Variants in JMJD8 observed in about 807,000 individuals in gnomAD.
The protein encoded by JMJD8 is jumonji domain containing 8, also known as jmjC domain-containing protein 8.
JMJD8 carries 56 observed loss-of-function variants against 37.6 expected under a neutral mutation model. The ratio of observed to expected loss-of-function variants is 1.49; its 90% CI spans 1.20 to 1.86. The LOEUF is 1.86. Among genes scored for constraint, JMJD8 ranks in the 40% most tolerant of loss-of-function variants. The probability of loss-of-function intolerance (pLI) is 0.00; values close to 1 mark genes in which losing one functional copy is unlikely to be tolerated. For missense variants in JMJD8, 542 were observed against 362.7 expected, an observed-to-expected ratio of 1.49 and a Z score of -4.01; for synonymous variants, 261 against 163.7, an observed-to-expected ratio of 1.59 and a Z score of -4.54.
Position 683,315 on chromosome 16 carries a change from C to A in JMJD8, c.511+7G>T, listed in dbSNP as rs1186407302. Reference sequence around the variant, plus strand: ...CTCAGTCCTTCCCAGTCCCAAGAAGCACCCACCTGCGATTCCAAAGCTGTA... The same window carrying A: ...CTCAGTCCTTCCCAGTCCCAAGAAGAACCCACCTGCGATTCCAAAGCTGTA... On this transcript the variant is annotated splice_region_variant and intron_variant, in intron 6 of 8. Transcript: ENST00000609261. The A allele has an allele frequency of 2.5e-6, 4 of 1,599,534 alleles. No homozygotes were observed. The highest frequency in any genetic ancestry group is 1.7e-4 in the Middle Eastern group (1 of 6,052).
At position 682,150 on chromosome 16, in the gene JMJD8, G is replaced by T. The variant is rs1420011263; in HGVS notation, c.*644C>A. The T allele has an allele frequency of 1.5e-5, 24 of 1,598,624 alleles. No homozygotes were observed. The highest frequency in any genetic ancestry group is 2.0e-5 in the Non-Finnish European group (23 of 1,167,698). Reference sequence around the variant, plus strand: ...GCCCCTTTTCAGCCTCTGACCGTGTGCCCCTGTGCCACAGAAGCGAGACAT... The same window carrying T: ...GCCCCTTTTCAGCCTCTGACCGTGTTCCCCTGTGCCACAGAAGCGAGACAT... On this transcript the variant is annotated 3_prime_UTR_variant, in exon 9 of 9. Coordinates refer to ENST00000609261, the MANE Select transcript of JMJD8 (RefSeq NM_001005920.4).
At chr16:683,108 G>A (rs1198275691) in intron 7 of JMJD8, 21 bp from the exon 8 acceptor site, 7 of 1,613,556 alleles carry the variant, frequency 4.3e-6, no homozygotes, top group Non-Finnish European at 5.9e-6. Context: ...GAGCAGCAGT[G>A]TCACCCTTGC....
chr16:683,937 G>A (rs903862551), intron 2 of JMJD8, 28 bp from the exon 3 acceptor site: 1 of 1,563,468 alleles, frequency 6.4e-7, no homozygotes, highest in Admixed American at 1.9e-5. Flanking sequence ...GTCGCGGCCA[G>A]GCCGGACCGC....
chr16:683,864 G>A lies in JMJD8; in HGVS notation c.222C>T (p.Asn74=), dbSNP rs1371550143. ...GGACGGACGGGCACGCGCTCACCGAGTTGTCCGTGAGTCCCTGCAGGATGA... is the reference window on the plus strand; with the variant it reads ...GGACGGACGGGCACGCGCTCACCGAATTGTCCGTGAGTCCCTGCAGGATGA... ...RPVILQGLTD[N]SRFRALCSRD... is the part of the protein sequence containing the mutation. The change falls in exon 3 of 9, where the codon AAC becomes AAT. Residue 74 remains asparagine (N), a synonymous_variant. Transcript: ENST00000609261. The A allele has an allele frequency of 1.9e-6, 3 of 1,585,608 alleles. No individual in the cohort carries two copies. The highest frequency in any genetic ancestry group is 4.6e-5 in the East Asian group (2 of 43,088).
In JMJD8 at chr16:682,786, T is replaced by C. The variant is rs1459834323; in HGVS notation, c.*8A>G. 1.9e-6 allele frequency: 3 copies of C among 1,612,900 alleles called. No homozygotes were observed. In the Admixed American group the frequency reaches 5.0e-5, roughly 27 times the overall value. On this transcript the variant is annotated 3_prime_UTR_variant, in exon 9 of 9. Coordinates refer to ENST00000609261, the MANE Select transcript of JMJD8 (RefSeq NM_001005920.4). Reference sequence around the variant, plus strand: ...GTGTGTGACCGGCAGTCCTGCCAGCTGTTTTGGCTAGCCGAGGAAGGTGGA... The same window carrying C: ...GTGTGTGACCGGCAGTCCTGCCAGCCGTTTTGGCTAGCCGAGGAAGGTGGA...
Position 683,037 on chromosome 16 carries a change from C to A in JMJD8, c.630G>T (p.Lys210Asn). The change falls in exon 8 of 9, where the codon AAG becomes AAT. Residue 210 changes from lysine (K) to asparagine (N), a missense_variant. Lys to Asn is a moderately conservative substitution (Grantham distance 94). Coordinates refer to ENST00000609261, the MANE Select transcript of JMJD8 (RefSeq NM_001005920.4). ...PEKTPEFHPN[K>N]TTLAWLRDTY... ...TGTCCCGGAGCCAGGCCAGCGTGGT[C>A]TTGTTGGGGTGGAACTCTGGCGTCT... is the stretch of plus-strand genomic sequence containing the variant. 7 of 1,613,506 alleles carry A rather than the reference C, an allele frequency of 4.3e-6. No individual in the cohort carries two copies. Among genetic ancestry groups the A allele is most frequent in the Non-Finnish European group, 5.9e-6 (7 of 1,179,872 alleles).
chr16:682,470 G>A lies in JMJD8; in HGVS notation c.*324C>T, dbSNP rs1216161334. On this transcript the variant is annotated 3_prime_UTR_variant, in exon 9 of 9. Transcript: ENST00000609261. Reference sequence around the variant, plus strand: ...ATTGACGCATTCATCTCTGAGAATGGCTGGGTGGAGGACTACTGAGGTTCC... The same window carrying A: ...ATTGACGCATTCATCTCTGAGAATGACTGGGTGGAGGACTACTGAGGTTCC... 1 of 1,613,378 alleles carries A rather than the reference G, an allele frequency of 6.2e-7. No homozygotes were observed. The highest frequency in any genetic ancestry group is 2.2e-5 in the East Asian group (1 of 44,888).
rs568012319 is a variant in JMJD8 at position 682,112 on chromosome 16, G to A, written c.*682C>T. 4 of 1,584,768 alleles carry A rather than the reference G, an allele frequency of 2.5e-6. No individual in the cohort carries two copies. The highest frequency in any genetic ancestry group is 1.1e-5 in the South Asian group (1 of 88,474). On this transcript the variant is annotated 3_prime_UTR_variant, in exon 9 of 9. Coordinates refer to ENST00000609261, the MANE Select transcript of JMJD8 (RefSeq NM_001005920.4). ...GTCGCTTGCTGCCGATGGCTGGCAG[G>A]TGCTCGTGCAGTGCCCCTTTTCAGC...
Position 682,658 on chromosome 16 carries a change from C to T in JMJD8, c.*136G>A, listed in dbSNP as rs1037970095. 1.7e-5 allele frequency: 24 copies of T among 1,404,826 alleles called. No homozygotes were observed. The South Asian group carries it at 2.5e-4, about 15-fold the overall frequency. The allele number at this position is 1,404,826 out of a possible 1,614,324, so 87.0% of individuals were successfully genotyped here. A position where few individuals can be genotyped will look rare whatever the true frequency, so the allele number is the denominator to read the frequency against. On this transcript the variant is annotated 3_prime_UTR_variant, in exon 9 of 9. Coordinates refer to ENST00000609261, the MANE Select transcript of JMJD8 (RefSeq NM_001005920.4). ...ATCGCTTTTGCTGGGCCGTGATCGT[C>T]CCCCTTTGTGGGCTGGAAAAGCAGG...
chr16:683,469 A>T lies in JMJD8; in HGVS notation c.392-28T>A. Reference sequence around the variant, plus strand: ...GCCAACAGAGACGGCGGGGACAGGGATCCTGGCACCTGGAGACTCCAAGCG... The same window carrying T: ...GCCAACAGAGACGGCGGGGACAGGGTTCCTGGCACCTGGAGACTCCAAGCG... On this transcript the variant is annotated intron_variant, in intron 5 of 8. Coordinates refer to ENST00000609261, the MANE Select transcript of JMJD8 (RefSeq NM_001005920.4). 2.6e-6 allele frequency: 4 copies of T among 1,549,718 alleles called. No homozygotes were observed. In the South Asian group the frequency reaches 4.8e-5, roughly 18 times the overall value.
rs1282427245 is a variant in JMJD8 at position 683,045 on chromosome 16, G to A, written c.622C>T (p.Pro208Ser). ...YPPEKTPEFH[P>S]NKTTLAWLRD... The stretch of plus-strand genomic sequence containing the variant: ...AGCCAGGCCAGCGTGGTCTTGTTGG[G>A]GTGGAACTCTGGCGTCTTCTCAGGT... Residue 208 changes from proline to serine, a missense_variant, in exon 8 of 9, where the codon CCC (proline) becomes TCC (serine). Physicochemically the swap from Pro to Ser is moderately conservative, Grantham distance 74. Coordinates refer to ENST00000609261, the MANE Select transcript of JMJD8 (RefSeq NM_001005920.4). The A allele has an allele frequency of 4.3e-6, 7 of 1,613,588 alleles. No homozygotes were observed. The highest frequency in any genetic ancestry group is 5.9e-6 in the Non-Finnish European group (7 of 1,179,880).
At position 683,117 on chromosome 16, in the gene JMJD8, G is replaced by A. The variant is rs759974032; in HGVS notation, c.580-30C>T. ...GGGCATGAGCAGCAGTGTCACCCTT[G>A]CCCGTTTTGGTCAGCGAGTCCCAAG... On this transcript the variant is annotated intron_variant, in intron 7 of 8. Transcript: ENST00000609261. The A allele has an allele frequency of 4.3e-6, 7 of 1,613,340 alleles. No homozygotes were observed. The African/African-American group carries it at 5.3e-5, about 12-fold the overall frequency.
Position 683,025 on chromosome 16 carries a change from G to C in JMJD8, c.642C>G (p.Ala214=), listed in dbSNP as rs2039746478. ...GGGCTGGGTATGTGTCCCGGAGCCAGGCCAGCGTGGTCTTGTTGGGGTGGA... is the reference window on the plus strand; with the variant it reads ...GGGCTGGGTATGTGTCCCGGAGCCACGCCAGCGTGGTCTTGTTGGGGTGGA... The part of the protein sequence containing the change: ...PEFHPNKTTL[A]WLRDTYPALP... Residue 214 remains alanine (A), a synonymous_variant, in exon 8 of 9, where the codon GCC becomes GCG. Transcript: ENST00000609261. 1 of 1,613,408 alleles carries C rather than the reference G, an allele frequency of 6.2e-7. No individual in the cohort carries two copies. Among genetic ancestry groups the C allele is most frequent in the African/African-American group, 1.3e-5 (1 of 74,938 alleles).
At position 683,538 on chromosome 16, in the gene JMJD8, A is replaced by G; in HGVS notation, c.383T>C (p.Leu128Pro). 6.4e-7 allele frequency: 1 copy of G among 1,560,136 alleles called. No homozygotes were observed. Among genetic ancestry groups the G allele is most frequent in the South Asian group, 1.2e-5 (1 of 84,804 alleles). Residue 128 changes from leucine to proline, a missense_variant, in exon 5 of 9, where the codon CTG becomes CCG. Leu to Pro is a moderately conservative substitution (Grantham distance 98). Coordinates refer to ENST00000609261, the MANE Select transcript of JMJD8 (RefSeq NM_001005920.4). ...QLLHPQDPTS[L>P]GNDTLYFFGD... Reference sequence around the variant, plus strand: ...GCCTAGGGCTGCCTCACCATTGCCCAGGGAGGTGGGGTCCTGGGGGTGCAG... The same window carrying G: ...GCCTAGGGCTGCCTCACCATTGCCCGGGGAGGTGGGGTCCTGGGGGTGCAG...
rs779857210 is a variant in JMJD8 at position 682,384 on chromosome 16, C to T, written c.*410G>A. ...TGCAGCGTGTGGGTCATTTTGACCC[C>T]GTGACCCGGAGCCCCCTGACCCAGG... On this transcript the variant is annotated 3_prime_UTR_variant, in exon 9 of 9. Transcript: ENST00000609261. 4.3e-5 allele frequency: 69 copies of T among 1,613,278 alleles called. No individual in the cohort carries two copies. Among genetic ancestry groups the T allele is most frequent in the Middle Eastern group, 1.6e-4 (1 of 6,062 alleles).
chr16:682,843 G>C lies in JMJD8; in HGVS notation c.746C>G (p.Ala249Gly), dbSNP rs1166856700. 5 of 1,612,972 alleles carry C rather than the reference G, an allele frequency of 3.1e-6. No individual in the cohort carries two copies. The highest frequency in any genetic ancestry group is 4.2e-6 in the Non-Finnish European group (5 of 1,179,878). Residue 249 changes from alanine to glycine, a missense_variant, in exon 9 of 9, where the codon GCT (alanine) becomes GGT (glycine). Ala to Gly is a moderately conservative substitution (Grantham distance 60). Coordinates refer to ENST00000609261, the MANE Select transcript of JMJD8 (RefSeq NM_001005920.4). ...VLYFPDRWWH[A>G]TLNLDTSVFI... ...GACGCTGGTGTCAAGGTTGAGCGTA[G>C]CATGCCACCAGCGGTCGGGGAAGTA...
rs559523877 is a variant in JMJD8, at chr16:682,933, C to T, written c.714+20G>A. On this transcript the variant is annotated intron_variant, in intron 8 of 8. Transcript: ENST00000609261. The stretch of plus-strand genomic sequence containing the variant: ...TGCGGGCCTCTAGCCTGGCCTGGCC[C>T]TCTCCTGCCAGCCACTGACCTCACC... The T allele has an allele frequency of 1.2e-6, 2 of 1,611,560 alleles. No homozygotes were observed. The highest frequency in any genetic ancestry group is 1.3e-5 in the African/African-American group (1 of 75,028).
In JMJD8 at chr16:683,380, G is replaced by C; in HGVS notation, c.453C>G (p.Tyr151Ter). 1 of 1,556,952 alleles carries C rather than the reference G, an allele frequency of 6.4e-7. No individual in the cohort carries two copies. The highest frequency in any genetic ancestry group is 1.4e-5 in the African/African-American group (1 of 73,398). ...FTEWASLFRH[Y>*]SPPPFGLLGT... ...CCAGCAGGCCAAATGGGGGTGGGGA[G>C]TAGTGCCGAAAGAGAGAGGCCCACT... Residue 151 changes from tyrosine to a stop codon, truncating the protein, a stop_gained, in exon 6 of 9, where the codon TAC (tyrosine) becomes TAG (stop). Coordinates refer to ENST00000609261, the MANE Select transcript of JMJD8 (RefSeq NM_001005920.4). LOFTEE classifies it high-confidence loss of function.
In JMJD8 at chr16:682,003, C is replaced by G; in HGVS notation, c.*791G>C. 2 of 1,609,648 alleles carry G rather than the reference C, an allele frequency of 1.2e-6. No individual in the cohort carries two copies. Among genetic ancestry groups the G allele is most frequent in the Non-Finnish European group, 1.7e-6 (2 of 1,176,994 alleles). Reference sequence around the variant, plus strand: ...GGTGGGGTGTCTCCCCCAAGCACAGCACTCAACTCTTCACAGGACAAGTAC... The same window carrying G: ...GGTGGGGTGTCTCCCCCAAGCACAGGACTCAACTCTTCACAGGACAAGTAC... On this transcript the variant is annotated 3_prime_UTR_variant, in exon 9 of 9. Coordinates refer to ENST00000609261, the MANE Select transcript of JMJD8 (RefSeq NM_001005920.4).
Sources: allele counts gnomAD v4.1 joint callset, GRCh38; gene constraint gnomAD v4.1.1; transcripts MANE v1.5; gene names NCBI Gene and HGNC (gene_info 2026-07-23, HGNC 2026-07-21).